The following ROBO1 variants were observed in gnomAD, a reference collection of about 807,000 sequenced individuals.
ROBO1 encodes the protein roundabout homolog 1.
ROBO1 carries 149 observed loss-of-function variants against 195.9 expected under a neutral mutation model. The observed-to-expected ratio is 0.76, with a 90% CI of 0.67 to 0.87. ROBO1 has a LOEUF of 0.87. Among genes scored for constraint, ROBO1 ranks in the 40% least tolerant of loss-of-function variants. The pLI is 0.00. For missense variants in ROBO1, 1,933 were observed against 2,068.3 expected (o/e 0.93, Z 1.27); for synonymous variants, 816 against 733.2 (o/e 1.11, Z -1.82).
intron 2 of ROBO1, among the ~76,000 whole-genome samples, chr3:79,451,197 T>C (rs2039432687): frequency 6.6e-6 from 1 of 152,072 alleles, no homozygotes; most frequent in Admixed American, 6.5e-5. Flanking sequence ...ATAAGGAATT[T>C]TCATTAAAAG....
chr3:79,608,002 T>C (rs1944542664), intron 1 of ROBO1, among the ~76,000 whole-genome samples: 1 of 152,056 alleles, frequency 6.6e-6, no homozygotes, highest in Non-Finnish European at 1.5e-5. Context: ...ATGTATGTGA[T>C]ACTACATTGA....
chr3:79,323,728 C>T (rs1453920123), intron 2 of ROBO1, among the ~76,000 whole-genome samples: 1 of 152,142 alleles, frequency 6.6e-6, no homozygotes, highest in African/African-American at 2.4e-5. Context: ...TATTCTTTAT[C>T]ACTATTTTTA....
intron 10 of ROBO1, among the ~76,000 whole-genome samples, chr3:78,673,002 T>A (rs1708154850): frequency 6.6e-6 from 1 of 152,202 alleles, no homozygotes; most frequent in South Asian, 2.1e-4. Flanking sequence ...ACCAAGTGAC[T>A]ACTGAACATG....
At chr3:79,371,641 A>G (rs967599606) in intron 2 of ROBO1, among the ~76,000 whole-genome samples, 1 of 152,224 alleles carries the variant, frequency 6.6e-6, no homozygotes, top group Non-Finnish European at 1.5e-5. Context: ...AGGGTAATAT[A>G]TAAACATTGA....
chr3:79,513,593 C>A (rs1354384995), intron 2 of ROBO1, among the ~76,000 whole-genome samples: 1 of 152,030 alleles, frequency 6.6e-6, no homozygotes, highest in Non-Finnish European at 1.5e-5. Context: ...ATAATGACAT[C>A]TTTTATAGAG....
At chr3:79,096,753 T>C (rs2079577134) in intron 3 of ROBO1, among the ~76,000 whole-genome samples, 1 of 150,374 alleles carries the variant, frequency 6.7e-6, no homozygotes, top group African/African-American at 2.5e-5. Context: ...TGTGTGTATG[T>C]ATATGTATAT....
chr3:79,658,808 G>A (rs774606712), intron 1 of ROBO1, among the ~76,000 whole-genome samples: 25 of 150,016 alleles, frequency 1.7e-4, no homozygotes, highest in African/African-American at 5.2e-4. Flanking sequence ...TCGCTCTGTC[G>A]CCCAGGCTGA....
chr3:79,496,387 C>CTTTTTTTTTTTTTTTTT (rs1553753117), intron 2 of ROBO1, among the ~76,000 whole-genome samples: 2 of 112,780 alleles, frequency 1.8e-5, no homozygotes, highest in African/African-American at 3.5e-5. Context: ...GCGCACCCAT[C>CTTTTTTTTTTTTTTTTT]TTTTTTTGAG....
intron 3 of ROBO1, among the ~76,000 whole-genome samples, chr3:79,115,659 C>T (rs751468300): frequency 1.1e-4 from 16 of 152,114 alleles, no homozygotes; most frequent in African/African-American, 3.1e-4. Flanking sequence ...CAATATGATG[C>T]AATATTATAT....
At chr3:78,825,998 C>A (rs1052062946) in intron 4 of ROBO1, among the ~76,000 whole-genome samples, 2 of 152,146 alleles carry the variant, frequency 1.3e-5, no homozygotes, top group Admixed American at 1.3e-4. Flanking sequence ...TCTCAGATAT[C>A]CAAAAATCTC....
intron 3 of ROBO1, among the ~76,000 whole-genome samples, chr3:79,013,878 TG>T (rs2077852053): frequency 6.6e-6 from 1 of 152,224 alleles, no homozygotes; most frequent in South Asian, 2.1e-4. Context: ...CACCTAGAGT[TG>T]GAACTCCATC....
intron 2 of ROBO1, among the ~76,000 whole-genome samples, chr3:79,375,655 A>C (rs997646103): frequency 6.6e-6 from 1 of 152,204 alleles, no homozygotes; most frequent in Admixed American, 6.5e-5. Flanking sequence ...AGTCAAGTGT[A>C]CTGGAAATAT....
At chr3:79,364,349 T>C (rs1220671544) in intron 2 of ROBO1, among the ~76,000 whole-genome samples, 1 of 151,548 alleles carries the variant, frequency 6.6e-6, no homozygotes, top group Non-Finnish European at 1.5e-5. Context: ...TATGTATTTA[T>C]CATAATTCTA....
chr3:79,699,376 C>T (rs951518330), intron 1 of ROBO1, among the ~76,000 whole-genome samples: 5 of 151,538 alleles, frequency 3.3e-5, no homozygotes, highest in African/African-American at 1.2e-4. Context: ...CCAGGTTTGT[C>T]TGACATCTGA....
intron 3 of ROBO1, among the ~76,000 whole-genome samples, chr3:78,990,303 C>T (rs2077207582): frequency 6.6e-6 from 1 of 152,102 alleles, no homozygotes; most frequent in African/African-American, 2.4e-5. Flanking sequence ...TGTTAAATTA[C>T]AAATTTCCTC....
At chr3:79,452,763 G>T (rs80194276) in intron 2 of ROBO1, among the ~76,000 whole-genome samples, 1,561 of 151,978 alleles carry the variant, frequency 0.01, 25 homozygotes, top group African/African-American at 0.036. Flanking sequence ...ATATTAATAT[G>T]TATTTTATTC....
Position 78,850,027 on chromosome 3 carries a change from C to T in ROBO1, c.499+88574G>A, listed in dbSNP as rs141710196. On this transcript the variant is annotated intron_variant, in intron 4 of 30. Coordinates refer to ENST00000464233, the MANE Select transcript of ROBO1 (RefSeq NM_002941.4). ...CTTACCATTGTGTTACAATTACCTA[C>T]GGTGTTCCATACAGTAACATGCTGT... Among the ~76,000 whole-genome samples, 17 of 152,234 alleles carry T rather than the reference C, an allele frequency of 1.1e-4. No individual in the cohort carries two copies. In the Middle Eastern group the frequency reaches 0.01, roughly 91 times the overall value.
At chr3:79,249,736 C>T (rs1365208807) in intron 2 of ROBO1, among the ~76,000 whole-genome samples, 1 of 152,134 alleles carries the variant, frequency 6.6e-6, no homozygotes, top group Non-Finnish European at 1.5e-5. Context: ...TCCCATCAGC[C>T]TAAATATAGC....
chr3:79,347,177 G>GA (rs1476168892), intron 2 of ROBO1, among the ~76,000 whole-genome samples: 1 of 152,086 alleles, frequency 6.6e-6, no homozygotes, highest in East Asian at 1.9e-4. Context: ...ATGGAGGGAT[G>GA]GAGAGTTGTA....
Sources: gnomAD v4.1 joint callset for allele counts (sites outside exome capture counted in the v4.1 genomes callset) on GRCh38, gnomAD v4.1.1 for gene constraint, MANE v1.5 for transcripts, NCBI Gene and HGNC (gene_info 2026-07-23, HGNC 2026-07-21) for gene names.